Variants in PCDHGB5 observed in about 807,000 individuals in gnomAD.
PCDHGB5 encodes the protein protocadherin gamma subfamily B, 5, also known as protocadherin gamma-B5.
Under a neutral mutation model 62.9 loss-of-function variants are expected in PCDHGB5, and 48 were observed. That is an observed-to-expected ratio of 0.76 (90% CI 0.61 to 0.97). The LOEUF is 0.97. Ranked by LOEUF, PCDHGB5 falls within the 50% of genes least tolerant of loss-of-function variation. The pLI is 0.00. For synonymous variants in PCDHGB5, 474 were observed against 511.2 expected (o/e 0.93, Z 0.98); for missense variants, 1,118 against 1,198.6 (o/e 0.93, Z 0.99).
At position 141,487,667 on chromosome 5, in the gene PCDHGB5, ATATGGCTAGGCCATG is replaced by A; in HGVS notation, c.2398-7138_2398-7124del. 1.9e-6 allele frequency: 3 copies of A among 1,612,782 alleles called. No individual in the cohort carries two copies. In the South Asian group the frequency reaches 3.3e-5, roughly 18 times the overall value. ...GCTTGAGGGTTATTCTGATCCAGGC[ATATGGCTAGGCCATG>A]TCCTAGAGAGTACTGGCCTCTCAGT... On this transcript the variant is annotated intron_variant, in intron 1 of 3. Transcript: ENST00000617380. The surrounding 1 kb of genome is among the most constrained non-coding windows in gnomAD (Gnocchi z 5.0).
intron 1 of PCDHGB5, among the ~76,000 whole-genome samples, chr5:141,482,144 G>C (rs564178008): frequency 1.3e-4 from 20 of 151,858 alleles, no homozygotes; most frequent in Admixed American, 9.8e-4. Flanking sequence ...GGCATAAAAA[G>C]GTCAAGTCAA....
chr5:141,511,293 G>A lies in PCDHGB5; in HGVS notation c.*120G>A, dbSNP rs1028501355. On this transcript the variant is annotated 3_prime_UTR_variant, in exon 4 of 4. Coordinates refer to ENST00000617380, the MANE Select transcript of PCDHGB5 (RefSeq NM_018925.3). ...CCCCAGAATACTGGTAGGGGCCAAG[G>A]CCATGCTCCCCTTGGGAAACAGAAA... The A allele has an allele frequency of 3.3e-6, 5 of 1,509,316 alleles. No individual in the cohort carries two copies. In the African/African-American group the frequency reaches 5.6e-5, roughly 17 times the overall value. The allele number at this position is 1,509,316 out of a possible 1,614,324, so 93.5% of individuals were successfully genotyped here.
intron 2 of PCDHGB5, among the ~76,000 whole-genome samples, chr5:141,501,956 A>G (rs527567012): frequency 6.6e-6 from 1 of 152,136 alleles, no homozygotes; most frequent in Non-Finnish European, 1.5e-5. Context: ...GTGACAGGTC[A>G]TCCTCCTAAC....
In PCDHGB5 at chr5:141,432,012, A is replaced by G. The variant is rs756906117; in HGVS notation, c.2397+31488A>G. ...TTGGATAGGGAACAGGTTCCTAGCT[A>G]CAACATCACAGTGACCGCCACTGAC... On this transcript the variant is annotated intron_variant, in intron 1 of 3. Transcript: ENST00000617380. The surrounding 1 kb of genome is among the most constrained non-coding windows in gnomAD (Gnocchi z 6.0). The G allele has an allele frequency of 1.1e-5, 18 of 1,614,056 alleles. No homozygotes were observed. The highest frequency in any genetic ancestry group is 1.3e-5 in the Non-Finnish European group (15 of 1,180,008).
intron 1 of PCDHGB5, among the ~76,000 whole-genome samples, chr5:141,438,614 A>G (rs1208036297): frequency 5.8e-5 from 2 of 34,396 alleles, no homozygotes. Context: ...ATATATATAT[A>G]TATATATATA....
intron 1 of PCDHGB5, chr5:141,426,432 C>A (rs1239073805): frequency 1.0e-5 from 3 of 295,812 alleles, no homozygotes; most frequent in South Asian, 3.3e-5. Flanking sequence ...TGGTGGGGAA[C>A]CTTGCGGAGG....
chr5:141,455,580 T>G (rs572453788), intron 1 of PCDHGB5, among the ~76,000 whole-genome samples: 26 of 152,142 alleles, frequency 1.7e-4, no homozygotes, highest in Middle Eastern at 3.2e-3. Context: ...ACCCCAGCCT[T>G]TTAATATGCA....
chr5:141,444,082 A>G (rs942113441), intron 1 of PCDHGB5, among the ~76,000 whole-genome samples: 2 of 151,044 alleles, frequency 1.3e-5, no homozygotes, highest in African/African-American at 2.4e-5. Flanking sequence ...TCACCTGAAA[A>G]GTCTGCTAAG....
chr5:141,494,676 C>G, intron 1 of PCDHGB5, 131 bp from the exon 2 acceptor site: 1 of 1,550,918 alleles, frequency 6.4e-7, no homozygotes, highest in African/African-American at 1.4e-5. Context: ...GAGTCCACCC[C>G]TGCCCCCTCT....
In PCDHGB5 at chr5:141,432,129, A is replaced by T. The variant is rs758099753; in HGVS notation, c.2397+31605A>T. The T allele has an allele frequency of 6.2e-6, 10 of 1,614,054 alleles. No individual in the cohort carries two copies. In the South Asian group the frequency reaches 8.8e-5, roughly 14 times the overall value. On this transcript the variant is annotated intron_variant, in intron 1 of 3. Transcript: ENST00000617380. This position sits in a 1 kb window ranked among gnomAD's most constrained non-coding sequence, Gnocchi z 6.0. ...CCGCCGGTCTTCCCTCAGGCCTCCTATTCCGCTTATATCCCAGAGAACAAT... is the reference window on the plus strand; with the variant it reads ...CCGCCGGTCTTCCCTCAGGCCTCCTTTTCCGCTTATATCCCAGAGAACAAT...
Position 141,494,808 on chromosome 5 carries a change from A to G in PCDHGB5, c.2399A>G (p.Gln800Arg). The G allele has an allele frequency of 1.9e-6, 3 of 1,614,014 alleles. No individual in the cohort carries two copies. Among genetic ancestry groups the G allele is most frequent in the Non-Finnish European group, 2.5e-6 (3 of 1,179,982 alleles). The change falls in exon 2 of 4, where the codon CAA becomes CGA. Residue 800 changes from glutamine to arginine, a missense_variant and splice_region_variant. Gln to Arg is a conservative substitution (Grantham distance 43, BLOSUM62 1). Around this residue, in one of 2 missense-constraint regions of PCDHGB5, gnomAD observed 1,034 missense variants for 1,029.1 expected, o/e 1.00. Coordinates refer to ENST00000617380, the MANE Select transcript of PCDHGB5 (RefSeq NM_018925.3). ...CCTTTCCCTCTGTTTTCTCCACAGC[A>G]AGCCCCGCCCAACACGGACTGGCGT... ...SSESTSHPEL[Q>R]APPNTDWRFS...
At position 141,414,031 on chromosome 5, in the gene PCDHGB5, C is replaced by G. The variant is rs900884760; in HGVS notation, c.2397+13507C>G. The G allele has an allele frequency of 1.2e-6, 2 of 1,611,740 alleles. No homozygotes were observed. The highest frequency in any genetic ancestry group is 2.7e-5 in the African/African-American group (2 of 74,762). On this transcript the variant is annotated intron_variant, in intron 1 of 3. Coordinates refer to ENST00000617380, the MANE Select transcript of PCDHGB5 (RefSeq NM_018925.3). ...CAATGGAGAAGTGACATATTCATTC[C>G]GAAAATTACCTGACACGCAATTGTT... is the stretch of plus-strand genomic sequence containing the variant.
chr5:141,418,270 A>T, intron 1 of PCDHGB5: 1 of 1,614,052 alleles, frequency 6.2e-7, no homozygotes. Context: ...GGAAAGATGA[A>T]ATAAACTTAG....
At chr5:141,472,980 C>CAAAAAAAAAA (rs60579131) in intron 1 of PCDHGB5, among the ~76,000 whole-genome samples, 34 of 85,838 alleles carry the variant, frequency 4.0e-4, no homozygotes, top group South Asian at 1.3e-3. Context: ...GAGTGAAACT[C>CAAAAAAAAAA]AAAAAAAAAA....
rs2099389707 is a variant in PCDHGB5, at chr5:141,476,358, G to A, written c.2398-18449G>A. On this transcript the variant is annotated intron_variant, in intron 1 of 3. Transcript: ENST00000617380. This position sits in a 1 kb window ranked among gnomAD's most constrained non-coding sequence, Gnocchi z 7.6. ...AGCCGAAGATTCTTTGAGGTGAACC[G>A]GGAGACCGGAGAGATGTTTGTGAAC... 6.2e-7 allele frequency: 1 copy of A among 1,614,134 alleles called. No individual in the cohort carries two copies. The highest frequency in any genetic ancestry group is 8.5e-7 in the Non-Finnish European group (1 of 1,180,022).
At chr5:141,510,534 C>T (rs1187165551) in intron 3 of PCDHGB5, among the ~76,000 whole-genome samples, 2 of 152,126 alleles carry the variant, frequency 1.3e-5, no homozygotes, top group African/African-American at 2.4e-5. Context: ...AGAGAAATAC[C>T]AGCGAATGTG....
In PCDHGB5 at chr5:141,432,068, C is replaced by G. The variant is rs1297096209; in HGVS notation, c.2397+31544C>G. ...AACCCCGCCCCTATCCACGGAAACT[C>G]ATATCTCGCTGAACGTGGCAGACAC... On this transcript the variant is annotated intron_variant, in intron 1 of 3. Transcript: ENST00000617380. The surrounding 1 kb of genome is among the most constrained non-coding windows in gnomAD (Gnocchi z 6.0). 6.2e-7 allele frequency: 1 copy of G among 1,614,210 alleles called. No individual in the cohort carries two copies. The highest frequency in any genetic ancestry group is 1.7e-5 in the Admixed American group (1 of 60,028).
intron 1 of PCDHGB5, among the ~76,000 whole-genome samples, chr5:141,420,877 G>T (rs566962587): frequency 3.9e-5 from 6 of 152,338 alleles, no homozygotes; most frequent in African/African-American, 1.4e-4. Context: ...TGTAAGTATT[G>T]TGTATCATCG....
chr5:141,508,139 G>C (rs1243018384), intron 3 of PCDHGB5: 1 of 152,514 alleles, frequency 6.6e-6, no homozygotes, highest in African/African-American at 2.4e-5. Flanking sequence ...CAGGGAGCTG[G>C]GGGCTGAGTT....
Sources: gnomAD v4.1 joint callset for allele counts (sites outside exome capture counted in the v4.1 genomes callset) on GRCh38, gnomAD v4.1.1 for gene constraint, gnomAD v4.1.1 regional missense constraint, Gnocchi (gnomAD v3.1) non-coding constraint, MANE v1.5 for transcripts, NCBI Gene and HGNC (gene_info 2026-07-23, HGNC 2026-07-21) for gene names.